PCDHA7: variants seen among roughly 807,000 people sequenced by gnomAD.
PCDHA7 encodes the protein protocadherin alpha 7, also known as protocadherin alpha-7.
In PCDHA7, 37 loss-of-function variants were observed where a neutral mutation model predicts 57.2. The ratio of observed to expected loss-of-function variants is 0.65; its 90% CI spans 0.50 to 0.85. The LOEUF (loss-of-function observed/expected upper bound fraction) is 0.85, where lower values mean the gene tolerates loss of function less well. Among genes scored for constraint, PCDHA7 ranks in the 40% least tolerant of loss-of-function variants. PCDHA7 has a pLI of 0.00. For missense variants in PCDHA7, 1,188 were observed against 1,241.8 expected (o/e 0.96, Z 0.65); for synonymous variants, 553 against 558.8 (o/e 0.99, Z 0.15).
intron 1 of PCDHA7, chr5:140,871,299 G>A (rs782459625): frequency 1.9e-6 from 3 of 1,613,916 alleles, no homozygotes; most frequent in South Asian, 1.1e-5. Context: ...GCGCGTGCGC[G>A]CCGGGGAAGC....
Position 140,836,282 on chromosome 5 carries a change from G to A in PCDHA7, c.1899G>A (p.Thr633=). The change falls in exon 1 of 4, where the codon ACG becomes ACA. Residue 633 remains threonine (T), a synonymous_variant. Transcript: ENST00000525929. ...GGCTGTACACTGGTGAGATCAGCACGACACGAGCCCTAGATGAGACGGACG... is the reference window on the plus strand; with the variant it reads ...GGCTGTACACTGGTGAGATCAGCACAACACGAGCCCTAGATGAGACGGACG... ...RVGLYTGEIS[T]TRALDETDAP... 2 of 1,613,808 alleles carry A rather than the reference G, an allele frequency of 1.2e-6. No homozygotes were observed. Among genetic ancestry groups the A allele is most frequent in the Non-Finnish European group, 1.7e-6 (2 of 1,179,832 alleles).
chr5:140,999,406 G>C (rs1459713118), intron 3 of PCDHA7, among the ~76,000 whole-genome samples: 1 of 152,166 alleles, frequency 6.6e-6, no homozygotes, highest in Non-Finnish European at 1.5e-5. Context: ...GCATATGAAA[G>C]AATGGGAGCT....
At chr5:140,988,471 G>A (rs1442408975) in intron 3 of PCDHA7, among the ~76,000 whole-genome samples, 1 of 152,078 alleles carries the variant, frequency 6.6e-6, no homozygotes, top group Non-Finnish European at 1.5e-5. Context: ...TGTGGGAAGG[G>A]GAATTAGCAT....
chr5:140,876,077 G>C, intron 1 of PCDHA7: 4 of 1,613,956 alleles, frequency 2.5e-6, no homozygotes, highest in Non-Finnish European at 3.4e-6. Flanking sequence ...TTATTGGACA[G>C]AGAGCAAACG....
At chr5:141,000,421 A>ATTTTTTTTT (rs34755515) in intron 3 of PCDHA7, among the ~76,000 whole-genome samples, 3 of 27,980 alleles carry the variant, frequency 1.1e-4, no homozygotes, top group African/African-American at 1.8e-4. Flanking sequence ...ATATATATAT[A>ATTTTTTTTT]TTTTTTTTTT....
intron 1 of PCDHA7, among the ~76,000 whole-genome samples, chr5:140,947,593 T>C (rs2094149533): frequency 1.3e-5 from 2 of 151,712 alleles, no homozygotes; most frequent in African/African-American, 2.4e-5. Context: ...TAGATCAATT[T>C]AGGGAAGATT....
At position 140,834,669 on chromosome 5, in the gene PCDHA7, T is replaced by C; in HGVS notation, c.286T>C (p.Cys96Arg). ...TTCTCGGATCGACCGCGAGGAGCTGTGCGGGCGGAGCGCGGAGTGCAGCAT... is the reference window on the plus strand; with the variant it reads ...TTCTCGGATCGACCGCGAGGAGCTGCGCGGGCGGAGCGCGGAGTGCAGCAT... Reference protein sequence around the residue: ...VNSRIDREELCGRSAECSIHL... With the variant: ...VNSRIDREELRGRSAECSIHL... The change falls in exon 1 of 4, where the codon TGC becomes CGC. Residue 96 changes from cysteine (C) to arginine (R), a missense_variant. Cys to Arg is a radical substitution (Grantham distance 180). Transcript: ENST00000525929. The C allele has an allele frequency of 1.9e-6, 3 of 1,614,208 alleles. No individual in the cohort carries two copies. Among genetic ancestry groups the C allele is most frequent in the South Asian group, 1.1e-5 (1 of 91,086 alleles).
At chr5:140,858,512 T>C in intron 1 of PCDHA7, 1 of 1,426,790 alleles carries the variant, frequency 7.0e-7, no homozygotes, top group Non-Finnish European at 9.7e-7. Flanking sequence ...CTCAAATATG[T>C]ATCAGAATAT....
intron 1 of PCDHA7, chr5:140,966,850 C>A: frequency 6.4e-7 from 1 of 1,572,900 alleles, no homozygotes; most frequent in Non-Finnish European, 8.6e-7. Flanking sequence ...TACTGCCTCT[C>A]CTGCTGCTGT....
At chr5:140,893,385 G>A (rs2063961874) in intron 1 of PCDHA7, among the ~76,000 whole-genome samples, 1 of 152,138 alleles carries the variant, frequency 6.6e-6, no homozygotes, top group South Asian at 2.1e-4. Flanking sequence ...TGGGACAGTG[G>A]CTCATGCCTG....
intron 3 of PCDHA7, among the ~76,000 whole-genome samples, chr5:140,992,799 A>T (rs577698123): frequency 6.6e-6 from 1 of 152,274 alleles, no homozygotes; most frequent in African/African-American, 2.4e-5. Flanking sequence ...TTATGGATCC[A>T]TATGTATCTA....
intron 2 of PCDHA7, among the ~76,000 whole-genome samples, chr5:140,979,807 A>G (rs376087021): frequency 1.3e-4 from 20 of 152,376 alleles, no homozygotes; most frequent in African/African-American, 4.1e-4. Flanking sequence ...CACAACTATC[A>G]AAAGGATTTA....
chr5:140,957,778 A>G (rs1554223119), intron 1 of PCDHA7, among the ~76,000 whole-genome samples: 4 of 152,122 alleles, frequency 2.6e-5, no homozygotes, highest in African/African-American at 9.7e-5. Context: ...AGTAAAAACT[A>G]AGTTCATCAT....
At chr5:140,866,126 G>T (rs1435544560) in intron 1 of PCDHA7, 2 of 152,108 alleles carry the variant, frequency 1.3e-5, no homozygotes, top group African/African-American at 4.8e-5. Context: ...TAAGAACTAC[G>T]TATCTGTTGT....
At chr5:140,858,160 G>T in intron 1 of PCDHA7, 1 of 1,597,718 alleles carries the variant, frequency 6.3e-7, no homozygotes, top group Non-Finnish European at 8.6e-7. Context: ...CCATCTGCGC[G>T]GTGTCCAGCT....
In PCDHA7 at chr5:140,856,289, G is replaced by A. The variant is rs138367057; in HGVS notation, c.2355+19551G>A. Reference sequence around the variant, plus strand: ...CCTTCTGGAGGTAAATCTGCAGAATGGCATTTTGTTTGTGAATTCTCGGAT... The same window carrying A: ...CCTTCTGGAGGTAAATCTGCAGAATAGCATTTTGTTTGTGAATTCTCGGAT... On this transcript the variant is annotated intron_variant, in intron 1 of 3. Coordinates refer to ENST00000525929, the MANE Select transcript of PCDHA7 (RefSeq NM_018910.3). The A allele has an allele frequency of 3.3e-4, 527 of 1,598,532 alleles. 21 individuals carry two copies. The African/African-American group carries it at 6.0e-3, about 18-fold the overall frequency.
intron 1 of PCDHA7, chr5:140,841,768 C>G: frequency 6.2e-7 from 1 of 1,613,936 alleles, no homozygotes; most frequent in South Asian, 1.1e-5. Flanking sequence ...GAATGCCAGA[C>G]TCTCGGTTTC....
rs147149527 is a variant in PCDHA7 at position 140,842,554 on chromosome 5, C to T, written c.2355+5816C>T. The T allele has an allele frequency of 1.0e-3, 1,636 of 1,596,230 alleles. 137 individuals carry two copies. The highest frequency in any genetic ancestry group is 3.5e-3 in the South Asian group (317 of 90,526). On this transcript the variant is annotated intron_variant, in intron 1 of 3. Transcript: ENST00000525929. Reference sequence around the variant, plus strand: ...ATTACTACTCGTTGGTGCTGGACAGCGCCCTGGACCGCGAGAGAGTGTCGG... The same window carrying T: ...ATTACTACTCGTTGGTGCTGGACAGTGCCCTGGACCGCGAGAGAGTGTCGG...
intron 3 of PCDHA7, among the ~76,000 whole-genome samples, chr5:140,995,247 A>G (rs1377733694): frequency 6.6e-6 from 1 of 152,186 alleles, no homozygotes; most frequent in Non-Finnish European, 1.5e-5. Context: ...TAAGTAAAAT[A>G]AGGGTACTTG....
Sources: gnomAD v4.1 joint callset for allele counts (sites outside exome capture counted in the v4.1 genomes callset) on GRCh38, gnomAD v4.1.1 for gene constraint, MANE v1.5 for transcripts, NCBI Gene and HGNC (gene_info 2026-07-23, HGNC 2026-07-21) for gene names.